Variants in GRAMD2A observed in about 807,000 individuals in gnomAD.
The protein encoded by GRAMD2A is GRAM domain containing 2A, also known as GRAM domain-containing protein 2A.
Under a neutral mutation model 51.1 loss-of-function variants are expected in GRAMD2A, and 37 were observed. That is an observed-to-expected ratio of 0.72 (90% CI 0.56 to 0.95). GRAMD2A has a LOEUF of 0.95. GRAMD2A is among the 40% of genes least tolerant of loss of function. The pLI, the probability that GRAMD2A is intolerant of heterozygous loss-of-function variation, is 0.00. For missense variants in GRAMD2A, 414 were observed against 426.9 expected (o/e 0.97, Z 0.27); for synonymous variants, 136 against 157.1 (o/e 0.87, Z 1.01).
At chr15:72,167,153 C>A in intron 5 of GRAMD2A, 61 bp from the exon 6 acceptor site, 1 of 1,276,236 alleles carries the variant, frequency 7.8e-7, no homozygotes, top group Non-Finnish European at 1.1e-6. Flanking sequence ...CCCTTTGCTC[C>A]CTGCCTAGGG....
At chr15:72,185,189 G>GTT (rs761749553) in intron 1 of GRAMD2A, among the ~76,000 whole-genome samples, 102 of 139,946 alleles carry the variant, frequency 7.3e-4, no homozygotes, top group African/African-American at 2.4e-3. Context: ...TTTTGTTCCA[G>GTT]TTTTTTTTTT....
chr15:72,164,267 G>A (rs147013775), intron 8 of GRAMD2A, among the ~76,000 whole-genome samples: 4 of 152,160 alleles, frequency 2.6e-5, no homozygotes, highest in South Asian at 2.1e-4. Context: ...TCATTTCTAC[G>A]CCATCCCTGC....
At chr15:72,194,870 T>C (rs1367600110) in intron 1 of GRAMD2A, among the ~76,000 whole-genome samples, 1 of 152,076 alleles carries the variant, frequency 6.6e-6, no homozygotes, top group Non-Finnish European at 1.5e-5. Flanking sequence ...GTATTTTTAG[T>C]AGAGATGGGG....
At chr15:72,191,174 G>A (rs2081765274) in intron 1 of GRAMD2A, among the ~76,000 whole-genome samples, 1 of 152,000 alleles carries the variant, frequency 6.6e-6, no homozygotes, top group African/African-American at 2.4e-5. Context: ...CTACACCTCA[G>A]GATAAGCAAA....
intron 1 of GRAMD2A, among the ~76,000 whole-genome samples, chr15:72,177,146 G>A (rs1429456305): frequency 6.6e-6 from 1 of 150,728 alleles, no homozygotes; most frequent in Non-Finnish European, 1.5e-5. Flanking sequence ...ACAGGCATGA[G>A]CCACTGTGCT....
chr15:72,166,934 G>A lies in GRAMD2A; in HGVS notation c.471+60C>T. ...CCTGGGAATGTGCCCGAGTCAGACT[G>A]TGGGCTGTCAGGGCTGGGAGCGGGA... On this transcript the variant is annotated intron_variant, in intron 6 of 11. Transcript: ENST00000309731. This position sits in a 1 kb window ranked among gnomAD's most constrained non-coding sequence, Gnocchi z 4.1. 2.2e-6 allele frequency: 3 copies of A among 1,333,788 alleles called. No individual in the cohort carries two copies. The highest frequency in any genetic ancestry group is 3.2e-6 in the Non-Finnish European group (3 of 925,222). 82.6% of individuals were successfully genotyped at this position (1,333,788 alleles called of 1,614,324 possible).
rs2081545562 is a variant in GRAMD2A at position 72,166,462 on chromosome 15, C to T, written c.543+170G>A. On this transcript the variant is annotated intron_variant, in intron 7 of 11. Coordinates refer to ENST00000309731, the MANE Select transcript of GRAMD2A (RefSeq NM_001012642.3). The surrounding 1 kb of genome is among the most constrained non-coding windows in gnomAD (Gnocchi z 4.1). Reference sequence around the variant, plus strand: ...TCAAAGACATGCTTGCAAGCATAGACACACAATCCAAGTACTGTCTCTTGT... The same window carrying T: ...TCAAAGACATGCTTGCAAGCATAGATACACAATCCAAGTACTGTCTCTTGT... 6.6e-6 allele frequency among the ~76,000 whole-genome samples: 1 copy of T among 152,164 alleles called. No homozygotes were observed. Among genetic ancestry groups the T allele is most frequent in the Non-Finnish European group, 1.5e-5 (1 of 68,038 alleles).
intron 1 of GRAMD2A, among the ~76,000 whole-genome samples, chr15:72,172,527 A>T (rs1233804456): frequency 1.4e-5 from 2 of 145,216 alleles, no homozygotes; most frequent in Middle Eastern, 3.6e-3. Context: ...AGTGATTCTC[A>T]TGCCTCAGCC....
At chr15:72,178,765 G>A (rs937279267) in intron 1 of GRAMD2A, among the ~76,000 whole-genome samples, 7 of 151,700 alleles carry the variant, frequency 4.6e-5, no homozygotes, top group South Asian at 2.1e-4. Context: ...TAGTAGAGAA[G>A]GGGTTTCACC....
At position 72,163,447 on chromosome 15, in the gene GRAMD2A, T is replaced by G; in HGVS notation, c.775A>C (p.Asn259His). The G allele has an allele frequency of 6.2e-7, 1 of 1,614,130 alleles. No individual in the cohort carries two copies. Among genetic ancestry groups the G allele is most frequent in the Non-Finnish European group, 8.5e-7 (1 of 1,180,002 alleles). ...ATGGGCCATGCCCACCTCCCACCAT[T>G]TTCTGAAGCTACTTGGGCTCTTGAC... ...EKSRAQVASE[N>H]GGRWAWPMPG... The change falls in exon 10 of 12, where the codon AAT becomes CAT. Residue 259 changes from asparagine (N) to histidine (H), a missense_variant. By Grantham distance (68) the Asn-to-His change is moderately conservative. Coordinates refer to ENST00000309731, the MANE Select transcript of GRAMD2A (RefSeq NM_001012642.3).
chr15:72,180,294 T>A (rs570402804), intron 1 of GRAMD2A, among the ~76,000 whole-genome samples: 2 of 152,364 alleles, frequency 1.3e-5, no homozygotes, highest in South Asian at 2.1e-4. Context: ...GGCATCTATT[T>A]GAGCTGGCAC....
chr15:72,192,664 TACA>T (rs2081776568), intron 1 of GRAMD2A, among the ~76,000 whole-genome samples: 8 of 152,358 alleles, frequency 5.3e-5, no homozygotes, highest in Admixed American at 1.3e-4. Flanking sequence ...ATGTGCCATG[TACA>T]GATGTTAGGA....
Position 72,166,772 on chromosome 15 carries a change from CT to C in GRAMD2A, c.472-70del, listed in dbSNP as rs1293131398. ...ACTCCTTGCTGTGCCAGCCAGCCCCCTTGTGGATTGGGCACAGGCCCACAGG... is the reference window on the plus strand; with the variant it reads ...ACTCCTTGCTGTGCCAGCCAGCCCCCTGTGGATTGGGCACAGGCCCACAGG... On this transcript the variant is annotated intron_variant, in intron 6 of 11. Transcript: ENST00000309731. The surrounding 1 kb of genome is among the most constrained non-coding windows in gnomAD (Gnocchi z 4.1). 4 of 1,395,392 alleles carry C rather than the reference CT, an allele frequency of 2.9e-6. No individual in the cohort carries two copies. Among genetic ancestry groups the C allele is most frequent in the Non-Finnish European group, 4.0e-6 (4 of 987,826 alleles). The allele number at this position is 1,395,392 out of a possible 1,614,324, so 86.4% of individuals were successfully genotyped here.
At chr15:72,182,290 G>A (rs969268753) in intron 1 of GRAMD2A, among the ~76,000 whole-genome samples, 7 of 151,102 alleles carry the variant, frequency 4.6e-5, no homozygotes, top group Non-Finnish European at 7.4e-5. Flanking sequence ...GTTTGAGCCC[G>A]GGAGGTGGAG....
intron 4 of GRAMD2A, 94 bp downstream of exon 4, chr15:72,168,397 C>T: frequency 1.2e-6 from 1 of 863,426 alleles, no homozygotes; most frequent in South Asian, 1.3e-5. Flanking sequence ...CAGCCAGTTC[C>T]CATTTCTAAG....
chr15:72,162,441 A>G (rs1223986531), intron 10 of GRAMD2A, 64 bp from the exon 11 acceptor site: 1 of 1,280,684 alleles, frequency 7.8e-7, no homozygotes, highest in African/African-American at 1.5e-5. Context: ...CTGGAAGTTC[A>G]CCGGAAATAG....
Position 72,163,560 on chromosome 15 carries a change from A to G in GRAMD2A, c.745+53T>C, listed in dbSNP as rs2081505504. The G allele has an allele frequency of 3.8e-6, 6 of 1,592,166 alleles. No homozygotes were observed. The South Asian group carries it at 6.8e-5, about 18-fold the overall frequency. On this transcript the variant is annotated intron_variant, in intron 9 of 11. Transcript: ENST00000309731. ...GCCCTTTTTATGGAACTGGGAAGACAGAAAGTCTGGCCTTTGCAAGTAGTT... is the reference window on the plus strand; with the variant it reads ...GCCCTTTTTATGGAACTGGGAAGACGGAAAGTCTGGCCTTTGCAAGTAGTT...
chr15:72,165,325 C>T (rs2081530887), intron 8 of GRAMD2A, 29 bp downstream of exon 8: 1 of 1,608,270 alleles, frequency 6.2e-7, no homozygotes, highest in Non-Finnish European at 8.5e-7. Flanking sequence ...GTCAGTCCAG[C>T]AGTCTTTGCT....
chr15:72,163,855 T>C, intron 8 of GRAMD2A, 98 bp from the exon 9 acceptor site: 1 of 1,295,904 alleles, frequency 7.7e-7, no homozygotes, highest in Non-Finnish European at 1.1e-6. Context: ...CTCCAGATAT[T>C]ACCAAATATA....
Sources: allele counts gnomAD v4.1 joint callset (sites outside exome capture counted in the v4.1 genomes callset), GRCh38; gene constraint gnomAD v4.1.1; non-coding constraint Gnocchi (gnomAD v3.1); transcripts MANE v1.5; gene names NCBI Gene and HGNC (gene_info 2026-07-23, HGNC 2026-07-21).